KDM4A: variants seen among roughly 807,000 people sequenced by gnomAD.
KDM4A encodes lysine-specific demethylase 4A.
In KDM4A, 23 loss-of-function variants were observed where a neutral mutation model predicts 127.1. The ratio of observed to expected loss-of-function variants is 0.18; its 90% CI spans 0.13 to 0.26. The LOEUF (loss-of-function observed/expected upper bound fraction) is 0.26, where lower values mean the gene tolerates loss of function less well. Ranked by LOEUF, KDM4A falls within the 10% of genes least tolerant of loss-of-function variation. The pLI, the probability that KDM4A is intolerant of heterozygous loss-of-function variation, is 1.00. For missense variants in KDM4A, 890 were observed against 1,329.1 expected (o/e 0.67, Z 5.14); for synonymous variants, 443 against 466.5 (o/e 0.95, Z 0.65).
chr1:43,690,562 A>G (rs947658013), intron 13 of KDM4A: 9 of 481,500 alleles, frequency 1.9e-5, no homozygotes, highest in Admixed American at 3.3e-5. Context: ...AGTGCATTTT[A>G]TTAACCACTT....
intron 19 of KDM4A, among the ~76,000 whole-genome samples, chr1:43,699,167 G>A (rs1043662898): frequency 1.3e-5 from 2 of 150,608 alleles, no homozygotes; most frequent in Non-Finnish European, 3.0e-5. Flanking sequence ...CTGTATCATA[G>A]CTCCTGCAAT....
chr1:43,690,616 C>G (rs1661085973), intron 13 of KDM4A: 2 of 579,280 alleles, frequency 3.5e-6, no homozygotes, highest in Non-Finnish European at 6.2e-6. Flanking sequence ...ACCTTGCTCC[C>G]TTTTCTCAGT....
chr1:43,697,812 G>A (rs760057717), intron 18 of KDM4A, 31 bp from the exon 19 acceptor site: 9 of 1,602,152 alleles, frequency 5.6e-6, no homozygotes, highest in Non-Finnish European at 6.8e-6. Context: ...AACTCCACGT[G>A]TGAGTAACCA....
chr1:43,669,269 C>T lies in KDM4A; in HGVS notation c.1333C>T (p.Arg445Trp), dbSNP rs190357001. 47 of 1,614,164 alleles carry T rather than the reference C, an allele frequency of 2.9e-5. No homozygotes were observed. Among genetic ancestry groups the T allele is most frequent in the East Asian group, 2.0e-4 (9 of 44,890 alleles). Residue 445 changes from arginine (R) to tryptophan (W), a missense_variant, in exon 10 of 22, where the codon CGG becomes TGG. By Grantham distance (101) the Arg-to-Trp change is moderately radical. Around this residue, in one of 7 missense-constraint regions of KDM4A, gnomAD observed 389 missense variants for 485.9 expected, o/e 0.80. Coordinates refer to ENST00000372396, the MANE Select transcript of KDM4A (RefSeq NM_014663.3). ...TGTGAGGCCCACCCATAGCTCTGTG[C>T]GGCAAGTTGAGGATGGTCTTACCTT... ...APVRPTHSSV[R>W]QVEDGLTFPD...
Position 43,655,767 on chromosome 1 carries a change from G to GTGAGTGGAAACCCTTTCTTACCT in KDM4A, c.314+2_314+24dup. On this transcript the variant is annotated splice_donor_variant, in intron 3 of 21. Coordinates refer to ENST00000372396, the MANE Select transcript of KDM4A (RefSeq NM_014663.3). LOFTEE classifies it high-confidence loss of function. ...TCCGCAAGATAGCCAATAGCGATAAGTGAGTGGAAACCCTTTCTTACCTGA... is the reference window on the plus strand; with the variant it reads ...TCCGCAAGATAGCCAATAGCGATAAGTGAGTGGAAACCCTTTCTTACCTTGAGTGGAAACCCTTTCTTACCTGA... 1 of 1,606,360 alleles carries GTGAGTGGAAACCCTTTCTTACCT rather than the reference G, an allele frequency of 6.2e-7. No homozygotes were observed. Among genetic ancestry groups the GTGAGTGGAAACCCTTTCTTACCT allele is most frequent in the Non-Finnish European group, 8.5e-7 (1 of 1,175,246 alleles).
chr1:43,671,989 G>C, intron 11 of KDM4A, 114 bp downstream of exon 11: 1 of 1,252,884 alleles, frequency 8.0e-7, no homozygotes, highest in Admixed American at 2.9e-5. Context: ...TGCTGCAGGA[G>C]GGCAGGAGAG....
At chr1:43,650,517 C>CG (rs1660086357) in intron 1 of KDM4A, 1 of 152,228 alleles carries the variant, frequency 6.6e-6, no homozygotes, top group African/African-American at 2.4e-5. Context: ...CTCGCCAAGG[C>CG]GGCGGGGCCG....
intron 3 of KDM4A, among the ~76,000 whole-genome samples, chr1:43,658,967 T>C (rs1056732607): frequency 2.0e-5 from 3 of 152,132 alleles, no homozygotes; most frequent in African/African-American, 7.2e-5. Context: ...AGTTTTTTTT[T>C]TTTTAATTAA....
Position 43,655,802 on chromosome 1 carries a change from T to A in KDM4A, c.314+36T>A, listed in dbSNP as rs776728421. The stretch of plus-strand genomic sequence containing the variant: ...ACCCTTTCTTACCTGACATAGCACC[T>A]AGGACCCTGGTGTCTCATCCTCCTA... On this transcript the variant is annotated intron_variant, in intron 3 of 21. Coordinates refer to ENST00000372396, the MANE Select transcript of KDM4A (RefSeq NM_014663.3). 8 of 1,553,628 alleles carry A rather than the reference T, an allele frequency of 5.1e-6. No homozygotes were observed. In the Admixed American group the frequency reaches 1.1e-4, roughly 21 times the overall value.
intron 10 of KDM4A, 78 bp downstream of exon 10, chr1:43,669,377 G>C (rs1355706636): frequency 3.2e-5 from 45 of 1,426,004 alleles, no homozygotes; most frequent in Non-Finnish European, 4.4e-5. Context: ...TGAGTGCTGG[G>C]TCAGAAATAA....
At position 43,691,414 on chromosome 1, in the gene KDM4A, G is replaced by C. The variant is rs530609290; in HGVS notation, c.2243-82G>C. ...TGAGATTTGGTTGTAGCTTTGGGAG[G>C]TGGTATATGGAAAGGAATTGCAAAT... On this transcript the variant is annotated intron_variant, in intron 14 of 21. Coordinates refer to ENST00000372396, the MANE Select transcript of KDM4A (RefSeq NM_014663.3). 6.5e-5 allele frequency: 72 copies of C among 1,106,858 alleles called. No individual in the cohort carries two copies. The African/African-American group carries it at 1.1e-3, about 17-fold the overall frequency. 68.6% of individuals were successfully genotyped at this position (1,106,858 alleles called of 1,614,324 possible).
chr1:43,685,023 T>A (rs1038527632), intron 12 of KDM4A, among the ~76,000 whole-genome samples: 1 of 152,006 alleles, frequency 6.6e-6, no homozygotes, highest in Non-Finnish European at 1.5e-5. Flanking sequence ...TCAGTGTCTA[T>A]GGAGGATGTA....
At position 43,676,088 on chromosome 1, in the gene KDM4A, T is replaced by TAA. The variant is rs533210766; in HGVS notation, c.1734+4230_1734+4231dup. ...AGAGTGAAACTTTACCTCAAAAAGA[T>TAA]AAAAAAAAAAAAAAAAAAGCAAGAA... On this transcript the variant is annotated intron_variant, in intron 11 of 21. Transcript: ENST00000372396. Among the ~76,000 whole-genome samples, 374 of 91,190 alleles carry TAA rather than the reference T, an allele frequency of 4.1e-3. 3 individuals are homozygous for TAA. The highest frequency in any genetic ancestry group is 0.011 in the African/African-American group (240 of 22,038). 59.8% of individuals were successfully genotyped at this position (91,190 alleles called of 152,430 possible). A position where few individuals can be genotyped will look rare whatever the true frequency, so the allele number is the denominator to read the frequency against.
intron 2 of KDM4A, 87 bp downstream of exon 2, chr1:43,653,400 T>C: frequency 2.2e-6 from 3 of 1,336,720 alleles, no homozygotes; most frequent in Non-Finnish European, 3.0e-6. Flanking sequence ...GAACTGTGTT[T>C]TACTGAAAGT....
At chr1:43,651,922 T>C (rs1165510436) in intron 1 of KDM4A, among the ~76,000 whole-genome samples, 3 of 152,246 alleles carry the variant, frequency 2.0e-5, no homozygotes, top group African/African-American at 7.2e-5. Context: ...ACTGAACTTG[T>C]CTGTAGCTTG....
intron 11 of KDM4A, among the ~76,000 whole-genome samples, chr1:43,675,363 G>C (rs1049431398): frequency 6.6e-6 from 1 of 152,228 alleles, no homozygotes; most frequent in Non-Finnish European, 1.5e-5. Flanking sequence ...TTAATGATAC[G>C]TGTTGTGGTA....
At chr1:43,662,247 G>C (rs1570820246) in intron 4 of KDM4A, among the ~76,000 whole-genome samples, 1 of 139,898 alleles carries the variant, frequency 7.1e-6, no homozygotes. Context: ...TGTGGTCATA[G>C]AGTTTTTTTT....
chr1:43,693,734 AAC>A lies in KDM4A; in HGVS notation c.2376-258_2376-257del, dbSNP rs1356315263. ...TAGCCTGCAGCTCTGTTCATTTTTC[AAC>A]AGAGTGGTGTAAGAAGCATGATCCG... On this transcript the variant is annotated intron_variant, in intron 16 of 21. Transcript: ENST00000372396. This position sits in a 1 kb window ranked among gnomAD's most constrained non-coding sequence, Gnocchi z 4.2. 6.6e-6 allele frequency among the ~76,000 whole-genome samples: 1 copy of A among 152,216 alleles called. No homozygotes were observed. The highest frequency in any genetic ancestry group is 1.5e-5 in the Non-Finnish European group (1 of 68,026).
intron 1 of KDM4A, among the ~76,000 whole-genome samples, chr1:43,651,724 T>G (rs1660118201): frequency 6.6e-6 from 1 of 152,184 alleles, no homozygotes; most frequent in South Asian, 2.1e-4. Flanking sequence ...ATGGCCTATT[T>G]TCATTGATAT....
Sources: allele counts gnomAD v4.1 joint callset (sites outside exome capture counted in the v4.1 genomes callset), GRCh38; gene constraint gnomAD v4.1.1; regional missense constraint gnomAD v4.1.1; non-coding constraint Gnocchi (gnomAD v3.1); transcripts MANE v1.5; gene names NCBI Gene and HGNC (gene_info 2026-07-23, HGNC 2026-07-21).